TENM2: variants seen among roughly 807,000 people sequenced by gnomAD.
TENM2 encodes the protein teneurin transmembrane protein 2.
Under a neutral mutation model 245.2 loss-of-function variants are expected in TENM2, and 52 were observed. The ratio of observed to expected loss-of-function variants is 0.21; its 90% CI spans 0.17 to 0.27. The LOEUF is 0.27. Ranked by LOEUF, TENM2 falls within the 10% of genes least tolerant of loss-of-function variation. The pLI is 1.00. For missense variants in TENM2, 3,046 were observed against 3,666.8 expected, an observed-to-expected ratio of 0.83 and a Z score of 4.37; for synonymous variants, 1,363 against 1,438.9, an observed-to-expected ratio of 0.95 and a Z score of 1.19.
At chr5:167,271,723 A>C in the TENM2 span, among the ~76,000 whole-genome samples, 3 of 152,104 alleles carry the variant, frequency 2.0e-5, no homozygotes, top group Non-Finnish European at 4.4e-5. Context: ...GGCTCCAGGG[A>C]CCTTAACAGA....
the TENM2 span, among the ~76,000 whole-genome samples, chr5:167,252,259 G>C: frequency 6.6e-6 from 1 of 152,150 alleles, no homozygotes; most frequent in Non-Finnish European, 1.5e-5. Flanking sequence ...AGACGTTAAT[G>C]GGCTACAGAG....
the TENM2 span, among the ~76,000 whole-genome samples, chr5:167,051,747 C>G: frequency 2.0e-5 from 3 of 152,110 alleles, no homozygotes; most frequent in African/African-American, 7.2e-5. Context: ...TCCCAAAATG[C>G]AAAGATTTCT....
the TENM2 span, among the ~76,000 whole-genome samples, chr5:167,051,773 A>G: frequency 4.6e-5 from 7 of 152,130 alleles, no homozygotes; most frequent in Non-Finnish European, 7.4e-5. Flanking sequence ...CAAGTAGGAT[A>G]TTCTCAAAAC....
chr5:167,768,946 C>G (rs1198390760), intron 2 of TENM2, among the ~76,000 whole-genome samples: 2 of 152,112 alleles, frequency 1.3e-5, no homozygotes, highest in Non-Finnish European at 2.9e-5. Flanking sequence ...ACTTTCTTCC[C>G]CACATCTCCT....
At chr5:168,231,249 C>T (rs1000882180) in intron 25 of TENM2, among the ~76,000 whole-genome samples, 1 of 152,046 alleles carries the variant, frequency 6.6e-6, no homozygotes, top group Non-Finnish European at 1.5e-5. Context: ...TTGGTAAGCA[C>T]GTAGCAGAGT....
chr5:167,631,698 C>T (rs1350307040), intron 2 of TENM2, among the ~76,000 whole-genome samples: 1 of 152,172 alleles, frequency 6.6e-6, no homozygotes, highest in African/African-American at 2.4e-5. Context: ...CACTAGACCT[C>T]ACCCCCCTGG....
At chr5:167,721,415 A>T (rs1207402027) in intron 2 of TENM2, 2 of 152,186 alleles carry the variant, frequency 1.3e-5, no homozygotes, top group Non-Finnish European at 2.9e-5. Flanking sequence ...TAGGTAAAAG[A>T]TCCGACTGGA....
the TENM2 span, among the ~76,000 whole-genome samples, chr5:167,014,110 G>T: frequency 1.3e-5 from 2 of 150,340 alleles, no homozygotes; most frequent in African/African-American, 4.9e-5. Flanking sequence ...ATTACTTAAC[G>T]GCATTTGCTG....
At chr5:168,087,314 T>A (rs1446149023) in intron 7 of TENM2, 1 of 152,180 alleles carries the variant, frequency 6.6e-6, no homozygotes, top group Non-Finnish European at 1.5e-5. Flanking sequence ...TGTTGTCCTA[T>A]AAGAAATTAT....
chr5:167,278,072 G>A, the TENM2 span, among the ~76,000 whole-genome samples: 1 of 152,082 alleles, frequency 6.6e-6, no homozygotes, highest in Non-Finnish European at 1.5e-5. Flanking sequence ...GGGAGGCTGA[G>A]GTGGGTAGAT....
intron 4 of TENM2, among the ~76,000 whole-genome samples, chr5:167,989,556 G>A (rs2546955): frequency 6.6e-6 from 1 of 152,168 alleles, no homozygotes; most frequent in Non-Finnish European, 1.5e-5. Context: ...ATGGTTCCAT[G>A]TTGTAGAGAG....
rs576933742 is a variant in TENM2, at chr5:167,917,376, C to T, written c.713-35212C>T. Among the ~76,000 whole-genome samples the T allele has an allele frequency of 4.3e-4, 65 of 151,988 alleles. 1 individual carries two copies. Among genetic ancestry groups the T allele is most frequent in the African/African-American group, 1.4e-3 (56 of 41,432 alleles). ...GTCTCGGGGGGTTGTAGGGATTGGG[C>T]GCTCTAAACCCAGTAGATGTGCCGC... On this transcript the variant is annotated intron_variant, in intron 3 of 28. Transcript: ENST00000518659.
intron 2 of TENM2, among the ~76,000 whole-genome samples, chr5:167,399,656 A>C (rs1437389466): frequency 1.3e-5 from 2 of 152,150 alleles, no homozygotes; most frequent in African/African-American, 2.4e-5. Flanking sequence ...GGATGTGGAA[A>C]CGACTTCATC....
In TENM2 at chr5:167,486,979, A is replaced by G. The variant is rs116471703; in HGVS notation, c.502+111506A>G. Among the ~76,000 whole-genome samples, 791 of 152,318 alleles carry G rather than the reference A, an allele frequency of 5.2e-3. 4 individuals are homozygous for G. The highest frequency in any genetic ancestry group is 0.031 in the Middle Eastern group (9 of 294). On this transcript the variant is annotated intron_variant, in intron 2 of 28. Coordinates refer to ENST00000518659, the Ensembl canonical transcript of TENM2. ...GTAAAAGTACAGCAAAAATGTACAT[A>G]TGTACATACATAAATATCAAGAGAT...
At chr5:168,155,413 G>C (rs1039121951) in intron 12 of TENM2, among the ~76,000 whole-genome samples, 3 of 142,888 alleles carry the variant, frequency 2.1e-5, no homozygotes, top group Non-Finnish European at 4.6e-5. Context: ...AGGGGGGGGG[G>C]GTCCATAATT....
intron 2 of TENM2, among the ~76,000 whole-genome samples, chr5:167,720,730 C>G (rs565109715): frequency 6.6e-6 from 1 of 152,194 alleles, no homozygotes; most frequent in South Asian, 2.1e-4. Flanking sequence ...TGGTTGAATG[C>G]GAGACCATAA....
intron 2 of TENM2, among the ~76,000 whole-genome samples, chr5:167,789,871 T>C (rs181004994): frequency 4.6e-5 from 7 of 152,328 alleles, no homozygotes; most frequent in Admixed American, 4.6e-4. Context: ...TTAAAAATAG[T>C]ACTCAGCACA....
At chr5:167,092,926 T>C in the TENM2 span, among the ~76,000 whole-genome samples, 1 of 152,124 alleles carries the variant, frequency 6.6e-6, no homozygotes, top group African/African-American at 2.4e-5. Flanking sequence ...CTAAACCCCT[T>C]TTGGTTTTCT....
At chr5:167,783,829 C>G (rs183527035) in intron 2 of TENM2, among the ~76,000 whole-genome samples, 1 of 152,082 alleles carries the variant, frequency 6.6e-6, no homozygotes. Context: ...GGGTGCGTGT[C>G]TCTCCCCAGG....
Sources: allele counts gnomAD v4.1 joint callset (sites outside exome capture counted in the v4.1 genomes callset), GRCh38; gene constraint gnomAD v4.1.1; transcripts MANE v1.5; gene names NCBI Gene and HGNC (gene_info 2026-07-23, HGNC 2026-07-21).